The following UBXN2B variants were observed in gnomAD, a reference collection of about 807,000 sequenced individuals.
UBXN2B encodes UBX domain-containing protein 2B.
A neutral mutation model predicts 37.5 loss-of-function variants in UBXN2B; 19 were observed. That is an observed-to-expected ratio of 0.51 (90% CI 0.35 to 0.74). The LOEUF (loss-of-function observed/expected upper bound fraction) is 0.74, where lower values mean the gene tolerates loss of function less well. UBXN2B is among the 30% of genes least tolerant of loss of function. UBXN2B has a pLI of 0.01. For synonymous variants in UBXN2B, 145 were observed against 143.8 expected (o/e 1.01, Z -0.06); for missense variants, 370 against 393.2 (o/e 0.94, Z 0.50).
intron 2 of UBXN2B, among the ~76,000 whole-genome samples, chr8:58,423,033 G>T (rs1807967765): frequency 6.6e-6 from 1 of 152,098 alleles, no homozygotes; most frequent in African/African-American, 2.4e-5. Context: ...CATGTGACTT[G>T]TTTAGTAAGT....
intron 2 of UBXN2B, among the ~76,000 whole-genome samples, chr8:58,420,787 C>T (rs573582109): frequency 1.3e-5 from 2 of 152,160 alleles, no homozygotes; most frequent in South Asian, 4.2e-4. Flanking sequence ...GTGTGAACTG[C>T]CTGTAGTGAA....
rs1376473968 is a variant in UBXN2B, at chr8:58,450,042, AG to A, written c.*2492del. ...TGATTCACACCCTTAATATCTTCAA[AG>A]AGTCTTGTGTGTGACCTGATATTCA... On this transcript the variant is annotated 3_prime_UTR_variant, in exon 8 of 8. Transcript: ENST00000399598. The A allele has an allele frequency of 6.6e-6, 1 of 152,190 alleles. No homozygotes were observed. The highest frequency in any genetic ancestry group is 1.5e-5 in the Non-Finnish European group (1 of 68,038). The allele number at this position is 152,190 out of a possible 1,614,324, so 9.4% of individuals were successfully genotyped here. A position where few individuals can be genotyped will look rare whatever the true frequency, so the allele number is the denominator to read the frequency against.
chr8:58,447,307 G>C, intron 7 of UBXN2B, 82 bp from the exon 8 acceptor site: 1 of 1,324,796 alleles, frequency 7.5e-7, no homozygotes, highest in South Asian at 1.8e-5. Context: ...AAAATTTTGT[G>C]ATTTTTATTA....
chr8:58,425,320 C>T, intron 2 of UBXN2B: 1 of 1,161,238 alleles, frequency 8.6e-7, no homozygotes, highest in South Asian at 1.2e-5. Context: ...GACAATCACT[C>T]AGGAGTTTTC....
chr8:58,436,878 A>G (rs1808424827), intron 5 of UBXN2B, among the ~76,000 whole-genome samples: 1 of 152,162 alleles, frequency 6.6e-6, no homozygotes, highest in Non-Finnish European at 1.5e-5. Flanking sequence ...AGCCAAAATA[A>G]ACCTTTTTGC....
Position 58,449,817 on chromosome 8 carries a change from G to A in UBXN2B, c.*2266G>A, listed in dbSNP as rs1808764569. The A allele has an allele frequency of 2.6e-5, 4 of 152,146 alleles. No individual in the cohort carries two copies. In the South Asian group the frequency reaches 8.3e-4, roughly 32 times the overall value. 9.4% of individuals were successfully genotyped at this position (152,146 alleles called of 1,614,324 possible). ...TTTGCAGCTGAGTATCAACTTATCA[G>A]TTTGTTCTTCTTTTATATTCTCTAA... On this transcript the variant is annotated 3_prime_UTR_variant, in exon 8 of 8. Transcript: ENST00000399598.
At chr8:58,426,823 C>T (rs1275666085) in intron 2 of UBXN2B, 3 of 579,472 alleles carry the variant, frequency 5.2e-6, no homozygotes, top group Admixed American at 4.4e-5. Context: ...GCACAGACCC[C>T]CCTCCAGGCC....
At chr8:58,411,557 C>G (rs1807637433) in intron 1 of UBXN2B, 88 bp downstream of exon 1, 1 of 1,094,024 alleles carries the variant, frequency 9.1e-7, no homozygotes, top group African/African-American at 1.6e-5. Flanking sequence ...CCACCTCTGG[C>G]CTCGGCGGAG....
intron 7 of UBXN2B, 25 bp downstream of exon 7, chr8:58,446,093 C>T (rs1339471520): frequency 6.3e-7 from 1 of 1,588,692 alleles, no homozygotes; most frequent in Non-Finnish European, 8.5e-7. Flanking sequence ...CAACAGTGTC[C>T]TGTTTGCTGT....
chr8:58,446,456 T>C (rs1179979105), intron 7 of UBXN2B, among the ~76,000 whole-genome samples: 2 of 152,188 alleles, frequency 1.3e-5, no homozygotes, highest in Non-Finnish European at 2.9e-5. Context: ...ATTTTCTGTA[T>C]AGCAAATACT....
intron 2 of UBXN2B, chr8:58,425,235 T>C (rs750763219): frequency 2.3e-4 from 249 of 1,086,054 alleles, no homozygotes; most frequent in Non-Finnish European, 3.4e-4. Context: ...TGATGCCATA[T>C]TCTTTTAGAG....
intron 2 of UBXN2B, among the ~76,000 whole-genome samples, chr8:58,427,631 G>C (rs568865779): frequency 1.3e-5 from 2 of 152,298 alleles, no homozygotes; most frequent in East Asian, 3.9e-4. Flanking sequence ...TTTAAATTTG[G>C]GATACAGGAA....
At chr8:58,436,541 T>G (rs1441677570) in intron 5 of UBXN2B, among the ~76,000 whole-genome samples, 1 of 152,192 alleles carries the variant, frequency 6.6e-6, no homozygotes, top group East Asian at 1.9e-4. Flanking sequence ...TTAGATGGTT[T>G]AGATGTTTTG....
At chr8:58,424,828 T>C (rs563690724) in intron 2 of UBXN2B, 8 of 1,436,190 alleles carry the variant, frequency 5.6e-6, no homozygotes, top group South Asian at 4.6e-5. Context: ...GACCGCCATA[T>C]AGATAAATCG....
At chr8:58,417,928 A>G (rs1454086603) in intron 2 of UBXN2B, among the ~76,000 whole-genome samples, 20 of 152,162 alleles carry the variant, frequency 1.3e-4, no homozygotes, top group Admixed American at 1.3e-3. Flanking sequence ...TGCAAAATTG[A>G]TAACACCTTA....
rs1407224157 is a variant in UBXN2B at position 58,447,611 on chromosome 8, C to G, written c.*60C>G. The G allele has an allele frequency of 2.8e-6, 4 of 1,405,098 alleles. No homozygotes were observed. Among genetic ancestry groups the G allele is most frequent in the Non-Finnish European group, 2.8e-6 (3 of 1,059,810 alleles). The allele number at this position is 1,405,098 out of a possible 1,614,324, so 87.0% of individuals were successfully genotyped here. A position where few individuals can be genotyped will look rare whatever the true frequency, so the allele number is the denominator to read the frequency against. ...AGATGATGTGCCGTATTAATAAGGA[C>G]AATACTTCAGCATTAAAAACAGCCA... On this transcript the variant is annotated 3_prime_UTR_variant, in exon 8 of 8. Transcript: ENST00000399598.
chr8:58,427,218 T>G lies in UBXN2B; in HGVS notation c.189-3301T>G, dbSNP rs184960943. 3.5e-4 allele frequency among the ~76,000 whole-genome samples: 53 copies of G among 152,332 alleles called. No individual in the cohort carries two copies. The Middle Eastern group carries it at 0.017, about 49-fold the overall frequency. ...GGACGGTGGCTCACGCCTGTCATCT[T>G]AGCACTTTGGGAGGCTGAAGCATTG... On this transcript the variant is annotated intron_variant, in intron 2 of 7. Coordinates refer to ENST00000399598, the MANE Select transcript of UBXN2B (RefSeq NM_001077619.2).
At chr8:58,437,592 G>A (rs955053642) in intron 5 of UBXN2B, among the ~76,000 whole-genome samples, 12 of 152,012 alleles carry the variant, frequency 7.9e-5, no homozygotes, top group African/African-American at 2.7e-4. Context: ...CAAAGTGCTG[G>A]GATTACAGGC....
rs563014303 is a variant in UBXN2B, at chr8:58,411,403, C to A, written c.18C>A (p.Gly6=). 4.7e-6 allele frequency: 6 copies of A among 1,269,056 alleles called. No homozygotes were observed. The highest frequency in any genetic ancestry group is 6.0e-6 in the Non-Finnish European group (6 of 1,002,702). 78.6% of individuals were successfully genotyped at this position (1,269,056 alleles called of 1,614,324 possible). The part of the protein sequence containing the change: MAEGG[G]PEPGEQERRS... ...AGCGGAAGATGGCGGAGGGCGGAGG[C>A]CCTGAGCCCGGCGAGCAGGAGAGGA... Residue 6 remains glycine, a synonymous_variant, in exon 1 of 8, where the codon GGC becomes GGA. Coordinates refer to ENST00000399598, the MANE Select transcript of UBXN2B (RefSeq NM_001077619.2).
Sources: allele counts gnomAD v4.1 joint callset (sites outside exome capture counted in the v4.1 genomes callset), GRCh38; gene constraint gnomAD v4.1.1; transcripts MANE v1.5; gene names NCBI Gene and HGNC (gene_info 2026-07-23, HGNC 2026-07-21).